Variants in USP47 observed in about 807,000 individuals in gnomAD.
USP47 encodes the protein ubiquitin specific peptidase 47, also known as ubiquitin carboxyl-terminal hydrolase 47.
USP47 carries 35 observed loss-of-function variants against 165.1 expected under a neutral mutation model. That is an observed-to-expected ratio of 0.21 (90% CI 0.16 to 0.28). The LOEUF is 0.28. Ranked by LOEUF, USP47 falls within the 10% of genes least tolerant of loss-of-function variation. The probability of loss-of-function intolerance (pLI) is 1.00; values close to 1 mark genes in which losing one functional copy is unlikely to be tolerated. For missense variants in USP47, 1,277 were observed against 1,607.4 expected, an observed-to-expected ratio of 0.79 and a Z score of 3.52; for synonymous variants, 531 against 544.5, an observed-to-expected ratio of 0.98 and a Z score of 0.35.
rs1234227210 is a variant in USP47, at chr11:11,940,447, G to A, written c.2212G>A (p.Glu738Lys). Residue 738 changes from glutamate (E) to lysine (K), a missense_variant, in exon 19 of 28, where the codon GAA becomes AAA. By Grantham distance (56) the Glu-to-Lys change is moderately conservative. Around this residue, in one of 4 missense-constraint regions of USP47, gnomAD observed 909 missense variants for 1,068.1 expected, o/e 0.85. Transcript: ENST00000527733. ...ATTATAGGCCATCCATTTACCTGCTGAAACAATGAGAATAGTGCTGGAACG... is the reference window on the plus strand; with the variant it reads ...ATTATAGGCCATCCATTTACCTGCTAAAACAATGAGAATAGTGCTGGAACG... ...LISKAIHLPA[E>K]TMRIVLERCY... is the part of the protein sequence containing the mutation. 1.2e-6 allele frequency: 2 copies of A among 1,609,556 alleles called. No homozygotes were observed. The highest frequency in any genetic ancestry group is 1.7e-6 in the Non-Finnish European group (2 of 1,177,370).
chr11:11,850,365 A>G (rs938369200), intron 1 of USP47, among the ~76,000 whole-genome samples: 28 of 147,506 alleles, frequency 1.9e-4, no homozygotes, highest in Non-Finnish European at 3.4e-4. Context: ...TTTTTCTACT[A>G]AGTTCTTATT....
chr11:11,850,251 C>T (rs1319902718), intron 1 of USP47, among the ~76,000 whole-genome samples: 2 of 151,496 alleles, frequency 1.3e-5, no homozygotes, highest in Non-Finnish European at 2.9e-5. Context: ...GTTGGGCCTA[C>T]TGATGGGTTT....
At chr11:11,907,234 G>T (rs1466943723) in intron 8 of USP47, among the ~76,000 whole-genome samples, 1 of 152,176 alleles carries the variant, frequency 6.6e-6, no homozygotes, top group Non-Finnish European at 1.5e-5. Context: ...TTCTCCAAAG[G>T]TAGTATCCTC....
chr11:11,899,741 C>G (rs567285059), intron 5 of USP47, among the ~76,000 whole-genome samples: 1 of 152,094 alleles, frequency 6.6e-6, no homozygotes, highest in South Asian at 2.1e-4. Flanking sequence ...TGTGACAATC[C>G]TGGTGAGTAA....
intron 8 of USP47, among the ~76,000 whole-genome samples, chr11:11,911,777 G>A (rs559322080): frequency 4.1e-4 from 63 of 152,186 alleles, no homozygotes; most frequent in African/African-American, 1.4e-3. Flanking sequence ...TTGCTAAAGT[G>A]CTTCACCCAA....
At chr11:11,891,933 C>G in intron 3 of USP47, 35 bp from the exon 4 acceptor site, 1 of 1,593,386 alleles carries the variant, frequency 6.3e-7, no homozygotes, top group Non-Finnish European at 8.5e-7. Context: ...GCAACATTTG[C>G]TATTTACTAA....
At chr11:11,880,005 C>T (rs1287561127) in intron 1 of USP47, among the ~76,000 whole-genome samples, 172 bp from the exon 2 acceptor site, 1 of 151,998 alleles carries the variant, frequency 6.6e-6, no homozygotes, top group Non-Finnish European at 1.5e-5. Context: ...ATATGTTTGA[C>T]ATATCCATTA....
rs750026951 is a variant in USP47 at position 11,954,921 on chromosome 11, T to A, written c.3739T>A (p.Leu1247Met). 1.2e-5 allele frequency: 20 copies of A among 1,613,796 alleles called. No individual in the cohort carries two copies. The highest frequency in any genetic ancestry group is 1.6e-5 in the Non-Finnish European group (19 of 1,179,970). The change falls in exon 26 of 28, where the codon TTG (leucine) becomes ATG (methionine). Residue 1247 changes from leucine (L) to methionine (M), a missense_variant. By Grantham distance (15) the Leu-to-Met change is conservative (BLOSUM62 2). Transcript: ENST00000527733. ...GCTTAGTGAAATCAGTGGGATTCCTTTGGATGATATTGAATTTGCTAAGGT... is the reference window on the plus strand; with the variant it reads ...GCTTAGTGAAATCAGTGGGATTCCTATGGATGATATTGAATTTGCTAAGGT... ...EKLSEISGIP[L>M]DDIEFAKGRG...
At chr11:11,908,458 C>CTTAA (rs1852729018) in intron 8 of USP47, among the ~76,000 whole-genome samples, 1 of 151,814 alleles carries the variant, frequency 6.6e-6, no homozygotes, top group Non-Finnish European at 1.5e-5. Context: ...CTTTTTTAAA[C>CTTAA]CTTCATCTAA....
chr11:11,868,381 ATCACAGAT>A (rs1381686187), intron 1 of USP47, among the ~76,000 whole-genome samples: 1 of 152,214 alleles, frequency 6.6e-6, no homozygotes, highest in Non-Finnish European at 1.5e-5. Context: ...TAAAAATGGA[ATCACAGAT>A]TGTAGAGTCT....
At chr11:11,911,674 G>T (rs557398948) in intron 8 of USP47, among the ~76,000 whole-genome samples, 1 of 152,058 alleles carries the variant, frequency 6.6e-6, no homozygotes, top group Non-Finnish European at 1.5e-5. Context: ...ACTTCAGCAC[G>T]CCTCCCTCTC....
rs77085309 is a variant in USP47 at position 11,961,395 on chromosome 11, T to C, written c.*5220T>C. Among the ~76,000 whole-genome samples, 21 of 152,278 alleles carry C rather than the reference T, an allele frequency of 1.4e-4. No individual in the cohort carries two copies. In the East Asian group the frequency reaches 3.5e-3, roughly 25 times the overall value. On this transcript the variant is annotated 3_prime_UTR_variant, in exon 28 of 28. Coordinates refer to ENST00000527733, the MANE Select transcript of USP47 (RefSeq NM_001282659.2). ...TGGGTCCCCAGAAGTGGAGAACCTT[T>C]CCCACCTGTAGAAAGCCAGAGAGCT...
rs780933409 is a variant in USP47 at position 11,892,037 on chromosome 11, G to A, written c.427G>A (p.Gly143Arg). The change falls in exon 4 of 28, where the codon GGG becomes AGG. Residue 143 changes from glycine (G) to arginine (R), a missense_variant. Around this residue, in one of 4 missense-constraint regions of USP47, gnomAD observed 181 missense variants for 194.7 expected, o/e 0.93. Coordinates refer to ENST00000527733, the MANE Select transcript of USP47 (RefSeq NM_001282659.2). The stretch of plus-strand genomic sequence containing the variant: ...AGGTCCGCTTCCAAGAGAAGGTTCT[G>A]GGGGTTCTACCAGTGATTATGTCAG... ...FIGPLPREGSGGSTSDYVSQS... is the reference protein window; with the variant it reads ...FIGPLPREGSRGSTSDYVSQS... The A allele has an allele frequency of 6.2e-7, 1 of 1,613,810 alleles. No individual in the cohort carries two copies. Among genetic ancestry groups the A allele is most frequent in the Non-Finnish European group, 8.5e-7 (1 of 1,179,882 alleles).
rs7933089 is a variant in USP47, at chr11:11,955,081, G to C, written c.3810G>C (p.Gln1270His). 1 of 1,613,136 alleles carries C rather than the reference G, an allele frequency of 6.2e-7. No homozygotes were observed. The highest frequency in any genetic ancestry group is 1.3e-5 in the African/African-American group (1 of 74,874). Reference sequence around the variant, plus strand: ...ATATTTCTGTCCTTGATATTCATCAGGATTTAGACTGGAATCCTAAAGTTT... The same window carrying C: ...ATATTTCTGTCCTTGATATTCATCACGATTTAGACTGGAATCCTAAAGTTT... ...PCDISVLDIH[Q>H]DLDWNPKVST... The change falls in exon 27 of 28, where the codon CAG (glutamine) becomes CAC (histidine). Residue 1270 changes from glutamine to histidine, a missense_variant. Coordinates refer to ENST00000527733, the MANE Select transcript of USP47 (RefSeq NM_001282659.2).
chr11:11,923,721 A>G (rs192808207), intron 11 of USP47, among the ~76,000 whole-genome samples: 1 of 152,204 alleles, frequency 6.6e-6, no homozygotes, highest in Non-Finnish European at 1.5e-5. Flanking sequence ...TACTTTCATA[A>G]ATCTGTTTTT....
At chr11:11,879,668 GC>G (rs1160331888) in intron 1 of USP47, among the ~76,000 whole-genome samples, 1 of 152,016 alleles carries the variant, frequency 6.6e-6, no homozygotes, top group South Asian at 2.1e-4. Flanking sequence ...GAGTACAGCA[GC>G]ATAAAGATCA....
chr11:11,945,891 T>C (rs1855793690), intron 20 of USP47, among the ~76,000 whole-genome samples: 1 of 149,874 alleles, frequency 6.7e-6, no homozygotes, highest in African/African-American at 2.5e-5. Context: ...GCTATGATCG[T>C]ACCACTGCAC....
Position 11,960,947 on chromosome 11 carries a change from G to T in USP47, c.*4772G>T, listed in dbSNP as rs1847426439. Among the ~76,000 whole-genome samples the T allele has an allele frequency of 6.6e-6, 1 of 152,128 alleles. No homozygotes were observed. Among genetic ancestry groups the T allele is most frequent in the Non-Finnish European group, 1.5e-5 (1 of 68,036 alleles). ...CATCCTCCCTCCCCACAGGCCCAGA[G>T]AACCAGTTGGGCTTTGTTCTCCTGC... is the stretch of plus-strand genomic sequence containing the variant. On this transcript the variant is annotated 3_prime_UTR_variant, in exon 28 of 28. Coordinates refer to ENST00000527733, the MANE Select transcript of USP47 (RefSeq NM_001282659.2).
intron 2 of USP47, among the ~76,000 whole-genome samples, chr11:11,881,262 C>T (rs1850808147): frequency 6.6e-6 from 1 of 152,072 alleles, no homozygotes; most frequent in South Asian, 2.1e-4. Context: ...TGGCTTCTGA[C>T]TCTTTAGGGT....
Sources: gnomAD v4.1 joint callset for allele counts (sites outside exome capture counted in the v4.1 genomes callset) on GRCh38, gnomAD v4.1.1 for gene constraint, gnomAD v4.1.1 regional missense constraint, MANE v1.5 for transcripts, NCBI Gene and HGNC (gene_info 2026-07-23, HGNC 2026-07-21) for gene names.